The following NRXN3 variants were observed in gnomAD, a reference collection of about 807,000 sequenced individuals.
The protein encoded by NRXN3 is neurexin 3.
Under a neutral mutation model 137.6 loss-of-function variants are expected in NRXN3, and 32 were observed. The ratio of observed to expected loss-of-function variants is 0.23; its 90% CI spans 0.18 to 0.31. The LOEUF is 0.31. Among genes scored for constraint, NRXN3 ranks in the 10% least tolerant of loss-of-function variants. NRXN3 has a pLI of 1.00. For synonymous variants in NRXN3, 798 were observed against 784.5 expected (o/e 1.02, Z -0.29); for missense variants, 1,574 against 2,062.5 (o/e 0.76, Z 4.59).
At chr14:79,808,417 A>G (rs2099218707) in intron 20 of NRXN3, among the ~76,000 whole-genome samples, 1 of 152,020 alleles carries the variant, frequency 6.6e-6, no homozygotes, top group African/African-American at 2.4e-5. Context: ...TAATGGTGAC[A>G]TTTACACATC....
chr14:78,966,301 C>A lies in NRXN3; in HGVS notation c.2672C>A (p.Thr891Asn). Residue 891 changes from threonine (T) to asparagine (N), a missense_variant, in exon 12 of 21, where the codon ACC (threonine) becomes AAC (asparagine). Coordinates refer to ENST00000335750, the MANE Select transcript of NRXN3 (RefSeq NM_001330195.2). Reference protein sequence around the residue: ...YLSLATLQAYTSMHLFFQFKT... With the variant: ...YLSLATLQAYNSMHLFFQFKT... ...AGCCTTGCCACTCTTCAGGCTTACA[C>A]CTCCATGCACCTCTTCTTCCAGTTC... 6.2e-7 allele frequency: 1 copy of A among 1,614,214 alleles called. No individual in the cohort carries two copies. The highest frequency in any genetic ancestry group is 8.5e-7 in the Non-Finnish European group (1 of 1,180,038).
At chr14:78,574,500 C>T (rs1046066399) in intron 4 of NRXN3, among the ~76,000 whole-genome samples, 2 of 152,198 alleles carry the variant, frequency 1.3e-5, no homozygotes, top group African/African-American at 2.4e-5. Context: ...CATCAGCATG[C>T]CCTGGATGTT....
chr14:78,426,895 T>C (rs993844999), intron 4 of NRXN3, among the ~76,000 whole-genome samples: 34 of 152,266 alleles, frequency 2.2e-4, no homozygotes, highest in African/African-American at 7.9e-4. Context: ...AGGTTAGAGA[T>C]CCTGCCCAAA....
chr14:79,413,757 G>A (rs1323254587), intron 15 of NRXN3, among the ~76,000 whole-genome samples: 1 of 151,758 alleles, frequency 6.6e-6, no homozygotes, highest in African/African-American at 2.4e-5. Flanking sequence ...TGAAACATGC[G>A]ACTCTTTTTG....
chr14:79,208,849 A>C (rs116453823), intron 15 of NRXN3, among the ~76,000 whole-genome samples: 3 of 152,198 alleles, frequency 2.0e-5, no homozygotes, highest in Non-Finnish European at 4.4e-5. Flanking sequence ...TTAAGAAAAA[A>C]ATTCAGCACA....
chr14:79,449,612 A>G (rs2096129141), intron 15 of NRXN3, among the ~76,000 whole-genome samples: 2 of 152,226 alleles, frequency 1.3e-5, no homozygotes, highest in South Asian at 2.1e-4. Context: ...TTGCTATTTT[A>G]TATATTCAAA....
intron 16 of NRXN3, among the ~76,000 whole-genome samples, chr14:79,633,036 A>G (rs1399119141): frequency 6.6e-6 from 1 of 152,170 alleles, no homozygotes; most frequent in Non-Finnish European, 1.5e-5. Context: ...TAGAACATTC[A>G]AGGGATTTGC....
intron 9 of NRXN3, among the ~76,000 whole-genome samples, chr14:78,808,585 G>T (rs2098891551): frequency 6.6e-6 from 1 of 151,996 alleles, no homozygotes; most frequent in Non-Finnish European, 1.5e-5. Context: ...CAGGGGCATG[G>T]CCTCCTCTGT....
In NRXN3 at chr14:79,697,660, C is replaced by T. The variant is rs145845939; in HGVS notation, c.3737C>T (p.Ala1246Val). 4 of 1,612,506 alleles carry T rather than the reference C, an allele frequency of 2.5e-6. No individual in the cohort carries two copies. Among genetic ancestry groups the T allele is most frequent in the African/African-American group, 2.7e-5 (2 of 74,770 alleles). ...GRQLTIFNTQ[A>V]QIAIGGKDKG... ...CAGTTAACCATCTTCAACACTCAGG[C>T]GCAAATAGCCATTGGTGGAAAGGAC... The change falls in exon 19 of 21, where the codon GCG becomes GTG. Residue 1246 changes from alanine to valine, a missense_variant. Around this residue, in one of 5 missense-constraint regions of NRXN3, gnomAD observed 133 missense variants for 241.8 expected, o/e 0.55. Transcript: ENST00000335750.
chr14:79,095,223 C>CTTTT, intron 15 of NRXN3, among the ~76,000 whole-genome samples: 1 of 152,186 alleles, frequency 6.6e-6, no homozygotes, highest in East Asian at 1.9e-4. Context: ...ACTTGGGTAT[C>CTTTT]TACAGTGAGC....
At chr14:79,355,717 T>C (rs557309129) in intron 15 of NRXN3, among the ~76,000 whole-genome samples, 3 of 152,338 alleles carry the variant, frequency 2.0e-5, no homozygotes, top group East Asian at 1.9e-4. Flanking sequence ...ATGATATTGT[T>C]ATTTTACTTT....
At chr14:78,810,015 C>T (rs986830046) in intron 9 of NRXN3, among the ~76,000 whole-genome samples, 2 of 56,976 alleles carry the variant, frequency 3.5e-5, no homozygotes, top group Non-Finnish European at 1.1e-4. Context: ...AAAAGAATAG[C>T]TTTTTTTGAA....
intron 4 of NRXN3, among the ~76,000 whole-genome samples, chr14:78,356,251 T>C (rs1459128041): frequency 2.0e-5 from 3 of 152,208 alleles, no homozygotes; most frequent in African/African-American, 4.8e-5. Context: ...GGTCACCCAG[T>C]GAGTTAATAA....
At chr14:79,320,027 G>A (rs1488653519) in intron 15 of NRXN3, among the ~76,000 whole-genome samples, 1 of 151,668 alleles carries the variant, frequency 6.6e-6, no homozygotes, top group African/African-American at 2.4e-5. Context: ...CTCTAGTCTT[G>A]GATAATAATA....
intron 16 of NRXN3, among the ~76,000 whole-genome samples, chr14:79,604,082 G>A (rs950125460): frequency 7.2e-5 from 11 of 151,810 alleles, no homozygotes; most frequent in Admixed American, 5.3e-4. Context: ...TAGTAGAGAC[G>A]GGGTTTCACT....
At chr14:78,314,790 G>T (rs972345735) in intron 4 of NRXN3, among the ~76,000 whole-genome samples, 2 of 152,156 alleles carry the variant, frequency 1.3e-5, no homozygotes, top group Admixed American at 6.5e-5. Context: ...AAACAAAGGT[G>T]AGTATGGTTT....
At position 79,531,504 on chromosome 14, in the gene NRXN3, G is replaced by T. The variant is rs143247002; in HGVS notation, c.3444+64102G>T. On this transcript the variant is annotated intron_variant, in intron 16 of 20. Transcript: ENST00000335750. ...TAGTGTTATGAGATTTTTAGAGTACGTTAATTTTATAAAGCATGCTTATGG... is the reference window on the plus strand; with the variant it reads ...TAGTGTTATGAGATTTTTAGAGTACTTTAATTTTATAAAGCATGCTTATGG... Among the ~76,000 whole-genome samples, 82 of 152,284 alleles carry T rather than the reference G, an allele frequency of 5.4e-4. 1 individual carries two copies. The highest frequency in any genetic ancestry group is 3.4e-3 in the Middle Eastern group (1 of 294).
chr14:78,357,906 A>T (rs944600107), intron 4 of NRXN3, among the ~76,000 whole-genome samples: 3 of 152,198 alleles, frequency 2.0e-5, no homozygotes, highest in Non-Finnish European at 4.4e-5. Context: ...AGTGTGTATG[A>T]TATGACAGCA....
chr14:78,467,750 T>C (rs919236876), intron 4 of NRXN3, among the ~76,000 whole-genome samples: 1 of 152,228 alleles, frequency 6.6e-6, no homozygotes, highest in Non-Finnish European at 1.5e-5. Context: ...GACTCAATTA[T>C]GTAGTGGTTA....
Sources: allele counts gnomAD v4.1 joint callset (sites outside exome capture counted in the v4.1 genomes callset), GRCh38; gene constraint gnomAD v4.1.1; regional missense constraint gnomAD v4.1.1; transcripts MANE v1.5; gene names NCBI Gene and HGNC (gene_info 2026-07-23, HGNC 2026-07-21).